Variants in SEMA3D observed in about 807,000 individuals in gnomAD.
SEMA3D encodes semaphorin 3D, also known as semaphorin-3D.
A neutral mutation model predicts 100.1 loss-of-function variants in SEMA3D; 84 were observed. That is an observed-to-expected ratio of 0.84 (90% confidence interval 0.70 to 1.01). The LOEUF is 1.01. Ranked by LOEUF, SEMA3D falls within the 50% of genes least tolerant of loss-of-function variation. SEMA3D has a pLI of 0.00. For missense variants in SEMA3D, 875 were observed against 934.1 expected (o/e 0.94, Z 0.82); for synonymous variants, 312 against 320.7 (o/e 0.97, Z 0.29).
the SEMA3D span, among the ~76,000 whole-genome samples, chr7:85,236,663 A>G: frequency 2.0e-5 from 3 of 152,128 alleles, no homozygotes; most frequent in East Asian, 5.8e-4. Flanking sequence ...GGTATACAGA[A>G]AAATAAAAAT....
At chr7:85,031,105 A>C (rs1790535725) in intron 12 of SEMA3D, among the ~76,000 whole-genome samples, 1 of 151,968 alleles carries the variant, frequency 6.6e-6, no homozygotes, top group South Asian at 2.1e-4. Context: ...TGTCATGGTT[A>C]AGCTAGGAGT....
the SEMA3D span, among the ~76,000 whole-genome samples, chr7:85,249,051 C>T: frequency 1.3e-5 from 2 of 152,100 alleles, no homozygotes; most frequent in East Asian, 3.9e-4. Context: ...GGGATGTTGA[C>T]AATGGGAGAG....
At chr7:85,093,126 T>C (rs1484869168) in intron 4 of SEMA3D, among the ~76,000 whole-genome samples, 1 of 152,042 alleles carries the variant, frequency 6.6e-6, no homozygotes, top group African/African-American at 2.4e-5. Flanking sequence ...CTTTGTTAAA[T>C]TGAAAAAGAA....
the SEMA3D span, among the ~76,000 whole-genome samples, chr7:85,202,523 G>C: frequency 6.6e-6 from 1 of 151,940 alleles, no homozygotes. Flanking sequence ...CTTCTGCACC[G>C]CAAAAGAAAC....
the SEMA3D span, among the ~76,000 whole-genome samples, chr7:85,198,745 T>C: frequency 6.6e-6 from 1 of 151,474 alleles, no homozygotes; most frequent in African/African-American, 2.4e-5. Flanking sequence ...TAATTGTTTT[T>C]AAAGTTTTTT....
chr7:85,020,316 CA>C lies in SEMA3D; in HGVS notation c.1419del (p.Ile473MetfsTer20). The C allele has an allele frequency of 6.2e-7, 1 of 1,607,852 alleles. No individual in the cohort carries two copies. The highest frequency in any genetic ancestry group is 8.5e-7 in the Non-Finnish European group (1 of 1,175,672). ...QYDVMFLGTD[I>X]GTVLKVVSIS... ...ATGCTGACAACTTTGAGGACAGTTC[CA>C]ATGTCTGAAAAAATGCATAACCCAT... is the stretch of plus-strand genomic sequence containing the variant. On this transcript the variant is annotated frameshift_variant, in exon 14 of 19. Transcript: ENST00000284136. LOFTEE classifies it high-confidence loss of function.
chr7:84,999,623 G>T lies in SEMA3D; in HGVS notation c.2151C>A (p.Ile717=), dbSNP rs1008716768. 2 of 1,614,078 alleles carry T rather than the reference G, an allele frequency of 1.2e-6. No individual in the cohort carries two copies. The highest frequency in any genetic ancestry group is 1.7e-6 in the Non-Finnish European group (2 of 1,180,010). The change falls in exon 19 of 19, where the codon ATC becomes ATA. Residue 717 remains isoleucine, a synonymous_variant. Transcript: ENST00000284136. ...TGAAGTTTGGGCTGCTAAGGATTTG[G>T]ATGTAGTCTTTGTATCTCAACCGTG... The part of the protein sequence containing the change: ...AESRLRYKDY[I]QILSSPNFSL...
At chr7:85,081,673 G>A (rs528123432) in intron 4 of SEMA3D, 94 bp from the exon 5 acceptor site, 2 of 814,898 alleles carry the variant, frequency 2.5e-6, no homozygotes, top group East Asian at 5.1e-5. Flanking sequence ...TGAAATTGAA[G>A]AATGAGTATT....
intron 1 of SEMA3D, among the ~76,000 whole-genome samples, chr7:85,160,891 G>A (rs1191070308): frequency 6.6e-6 from 1 of 152,106 alleles, no homozygotes; most frequent in Non-Finnish European, 1.5e-5. Context: ...TTTTTACTAG[G>A]AGAAGAGGTT....
At chr7:85,017,100 A>G (rs1790125888) in intron 15 of SEMA3D, among the ~76,000 whole-genome samples, 1 of 151,678 alleles carries the variant, frequency 6.6e-6, no homozygotes, top group Non-Finnish European at 1.5e-5. Context: ...AATAAGCTAT[A>G]GTCTCTCACT....
chr7:85,122,459 C>T (rs1789455692), intron 2 of SEMA3D, among the ~76,000 whole-genome samples: 1 of 152,034 alleles, frequency 6.6e-6, no homozygotes, highest in Admixed American at 6.6e-5. Flanking sequence ...AACATTTTTT[C>T]CTTGACTAAA....
chr7:85,012,908 T>C, intron 16 of SEMA3D, 62 bp from the exon 17 acceptor site: 1 of 1,244,850 alleles, frequency 8.0e-7, no homozygotes, highest in Admixed American at 1.7e-5. Context: ...ATAGAAAGGC[T>C]ACATCTAATA....
chr7:85,068,054 A>T (rs1791674062), intron 7 of SEMA3D, 137 bp downstream of exon 7: 1 of 610,342 alleles, frequency 1.6e-6, no homozygotes. Context: ...CAAATTTGGC[A>T]CTAAAATAAT....
chr7:85,147,103 T>TTTTTTC, intron 2 of SEMA3D, among the ~76,000 whole-genome samples: 1 of 124,952 alleles, frequency 8.0e-6, no homozygotes, highest in Admixed American at 7.7e-5. Flanking sequence ...TTTTTTTTTT[T>TTTTTTC]TTTTTTTTTT....
the SEMA3D span, among the ~76,000 whole-genome samples, chr7:85,212,244 C>A: frequency 6.6e-6 from 1 of 152,070 alleles, no homozygotes; most frequent in Non-Finnish European, 1.5e-5. Flanking sequence ...AGGGAGGGCA[C>A]CTCTCAAACG....
chr7:85,179,565 C>T (rs1163673558), intron 1 of SEMA3D, among the ~76,000 whole-genome samples: 2 of 152,138 alleles, frequency 1.3e-5, no homozygotes, highest in African/African-American at 4.8e-5. Context: ...AATGCCTGTA[C>T]CCCAATTATA....
At chr7:85,116,167 C>G (rs974036371) in intron 3 of SEMA3D, among the ~76,000 whole-genome samples, 1 of 149,780 alleles carries the variant, frequency 6.7e-6, no homozygotes. Context: ...CAATTTGTTT[C>G]AGAGAGAGAG....
chr7:85,213,900 C>T, the SEMA3D span, among the ~76,000 whole-genome samples: 1 of 152,064 alleles, frequency 6.6e-6, no homozygotes, highest in Non-Finnish European at 1.5e-5. Context: ...TCTTTGGCTG[C>T]CTTTCAGTCT....
intron 3 of SEMA3D, among the ~76,000 whole-genome samples, chr7:85,110,889 C>T (rs1233095143): frequency 6.6e-6 from 1 of 151,998 alleles, no homozygotes; most frequent in Non-Finnish European, 1.5e-5. Context: ...AAGAATCCAT[C>T]TTAATCGGGC....
Sources: gnomAD v4.1 joint callset for allele counts (sites outside exome capture counted in the v4.1 genomes callset) on GRCh38, gnomAD v4.1.1 for gene constraint, MANE v1.5 for transcripts, NCBI Gene and HGNC (gene_info 2026-07-23, HGNC 2026-07-21) for gene names.